The following WWOX variants were observed in gnomAD, a reference collection of about 807,000 sequenced individuals.
The protein encoded by WWOX is WW domain containing oxidoreductase.
A neutral mutation model predicts 46.2 loss-of-function variants in WWOX; 69 were observed. That is an observed-to-expected ratio of 1.49 (90% confidence interval 1.23 to 1.82). The LOEUF (loss-of-function observed/expected upper bound fraction) is 1.82. Ranked by LOEUF, WWOX falls within the 40% of genes most tolerant of loss-of-function variation. The probability of loss-of-function intolerance (pLI) is 0.00; values close to 1 mark genes in which losing one functional copy is unlikely to be tolerated. For missense variants in WWOX, 919 were observed against 542.6 expected, an observed-to-expected ratio of 1.69 and a Z score of -6.89; for synonymous variants, 359 against 202.6, an observed-to-expected ratio of 1.77 and a Z score of -6.56.
intron 8 of WWOX, among the ~76,000 whole-genome samples, chr16:78,516,915 A>G (rs777337641): frequency 2.0e-5 from 3 of 152,148 alleles, no homozygotes; most frequent in African/African-American, 4.8e-5. Flanking sequence ...CATTATTATT[A>G]TTGGTGTTAC....
chr16:78,676,002 A>G (rs939994013), intron 8 of WWOX, among the ~76,000 whole-genome samples: 11 of 152,132 alleles, frequency 7.2e-5, no homozygotes, highest in African/African-American at 2.2e-4. Context: ...AAGGGAAAGC[A>G]TATGATCTAG....
chr16:78,231,486 C>T (rs2037259923), intron 5 of WWOX, among the ~76,000 whole-genome samples: 1 of 152,154 alleles, frequency 6.6e-6, no homozygotes, highest in Non-Finnish European at 1.5e-5. Flanking sequence ...CTGAGTGTTG[C>T]TACCTGTTTT....
At chr16:78,326,183 G>A (rs980785244) in intron 5 of WWOX, among the ~76,000 whole-genome samples, 15 of 152,156 alleles carry the variant, frequency 9.9e-5, no homozygotes, top group African/African-American at 3.4e-4. Context: ...AGGAAACTGG[G>A]ATCACACAGC....
chr16:78,687,090 AT>A (rs34855242), intron 8 of WWOX, among the ~76,000 whole-genome samples: 1,537 of 151,474 alleles, frequency 0.01, 23 homozygotes, highest in African/African-American at 0.036. Flanking sequence ...TTTAAAACAC[AT>A]TTTTTTTTCC....
At chr16:78,460,580 C>T (rs903764611) in intron 8 of WWOX, among the ~76,000 whole-genome samples, 3 of 152,210 alleles carry the variant, frequency 2.0e-5, no homozygotes, top group East Asian at 1.9e-4. Flanking sequence ...GTTTGTTTTG[C>T]AGAACACTGG....
At chr16:78,629,354 T>A (rs2046377193) in intron 8 of WWOX, among the ~76,000 whole-genome samples, 1 of 152,110 alleles carries the variant, frequency 6.6e-6, no homozygotes, top group Admixed American at 6.5e-5. Context: ...ATCTGTGAGT[T>A]AGTGCCGTAT....
In WWOX at chr16:78,783,623, A is replaced by C. The variant is rs1454406295; in HGVS notation, c.1056+350871A>C. 2.6e-5 allele frequency among the ~76,000 whole-genome samples: 4 copies of C among 152,330 alleles called. No individual in the cohort carries two copies. In the South Asian group the frequency reaches 6.2e-4, roughly 24 times the overall value. ...AAGGAGTAATATTTGTGTGGTACAA[A>C]GGATGTGCCTGGCATACCCCATATC... On this transcript the variant is annotated intron_variant, in intron 8 of 8. Transcript: ENST00000566780.
Position 78,420,252 on chromosome 16 carries a change from A to T in WWOX, c.606-4618A>T, listed in dbSNP as rs949973035. 3.3e-5 allele frequency among the ~76,000 whole-genome samples: 5 copies of T among 152,300 alleles called. No homozygotes were observed. In the South Asian group the frequency reaches 1.0e-3, roughly 32 times the overall value. On this transcript the variant is annotated intron_variant, in intron 6 of 8. Transcript: ENST00000566780. ...CATTGAATTACCATATGACCCAATA[A>T]TCCCACTCCTAGATGTATCTTGAAG...
At chr16:78,522,605 T>A (rs944073542) in intron 8 of WWOX, among the ~76,000 whole-genome samples, 2 of 152,220 alleles carry the variant, frequency 1.3e-5, no homozygotes, top group African/African-American at 2.4e-5. Context: ...TGTTTTTGAT[T>A]AATATTTTAT....
intron 8 of WWOX, among the ~76,000 whole-genome samples, chr16:79,168,437 T>C (rs1425613145): frequency 2.0e-5 from 3 of 152,152 alleles, no homozygotes; most frequent in Non-Finnish European, 4.4e-5. Context: ...TGTTCTCAGG[T>C]AACTATAATC....
At chr16:78,579,906 C>G (rs898193572) in intron 8 of WWOX, among the ~76,000 whole-genome samples, 11 of 152,182 alleles carry the variant, frequency 7.2e-5, no homozygotes, top group Non-Finnish European at 1.5e-4. Context: ...CTGCATTTCA[C>G]TCCGAGCCAT....
chr16:78,542,713 C>T (rs1012916056), intron 8 of WWOX, among the ~76,000 whole-genome samples: 3 of 152,180 alleles, frequency 2.0e-5, no homozygotes, highest in Non-Finnish European at 4.4e-5. Flanking sequence ...CTTCTATCAG[C>T]CCTCTAAACT....
intron 8 of WWOX, among the ~76,000 whole-genome samples, chr16:78,500,700 C>G (rs192415570): frequency 6.6e-6 from 1 of 152,106 alleles, no homozygotes; most frequent in African/African-American, 2.4e-5. Flanking sequence ...ACTAGCTTTT[C>G]GGGAACACGT....
intron 8 of WWOX, among the ~76,000 whole-genome samples, chr16:78,910,929 A>C (rs900624608): frequency 1.3e-5 from 2 of 152,058 alleles, no homozygotes; most frequent in Admixed American, 1.3e-4. Flanking sequence ...GATCAGCTCA[A>C]TTTAGCCTTT....
chr16:79,211,524 G>T, intron 8 of WWOX, 84 bp from the exon 9 acceptor site: 1 of 1,581,706 alleles, frequency 6.3e-7, no homozygotes, highest in Non-Finnish European at 8.6e-7. Flanking sequence ...GGGGAGGCCT[G>T]CTAATGCCCA....
intron 8 of WWOX, among the ~76,000 whole-genome samples, chr16:78,952,791 G>T (rs974083038): frequency 6.6e-6 from 1 of 152,170 alleles, no homozygotes; most frequent in Non-Finnish European, 1.5e-5. Context: ...CCAGCAGAAG[G>T]CTTAGCTGTT....
intron 8 of WWOX, among the ~76,000 whole-genome samples, chr16:78,817,677 GT>G (rs909427456): frequency 6.6e-6 from 1 of 152,136 alleles, no homozygotes. Flanking sequence ...GAGTCTTTGT[GT>G]GGTGGCAAAC....
chr16:78,472,437 T>G (rs1356848345), intron 8 of WWOX, among the ~76,000 whole-genome samples: 1 of 152,220 alleles, frequency 6.6e-6, no homozygotes, highest in Non-Finnish European at 1.5e-5. Context: ...AAATTTCTGT[T>G]AGTAGAAACT....
chr16:78,256,408 A>G (rs1340653187), intron 5 of WWOX, among the ~76,000 whole-genome samples: 1 of 151,892 alleles, frequency 6.6e-6, no homozygotes, highest in South Asian at 2.1e-4. Context: ...GCTTCTCTTG[A>G]GAACTTGACT....
Sources: gnomAD v4.1 joint callset for allele counts (sites outside exome capture counted in the v4.1 genomes callset) on GRCh38, gnomAD v4.1.1 for gene constraint, MANE v1.5 for transcripts, NCBI Gene and HGNC (gene_info 2026-07-23, HGNC 2026-07-21) for gene names.